Variants in CD44 observed in about 807,000 individuals in gnomAD.
CD44 encodes the protein CD44 antigen.
A neutral mutation model predicts 88.8 loss-of-function variants in CD44; 49 were observed. The observed-to-expected ratio is 0.55, with a 90% confidence interval of 0.44 to 0.70. The LOEUF is 0.70. Among genes scored for constraint, CD44 ranks in the 30% least tolerant of loss-of-function variants. CD44 has a pLI of 0.00. For missense variants in CD44, 883 were observed against 913.8 expected, an observed-to-expected ratio of 0.97 and a Z score of 0.43; for synonymous variants, 325 against 312.3, an observed-to-expected ratio of 1.04 and a Z score of -0.43.
chr11:35,149,627 A>G (rs1356894931), intron 1 of CD44, among the ~76,000 whole-genome samples: 1 of 152,198 alleles, frequency 6.6e-6, no homozygotes, highest in Non-Finnish European at 1.5e-5. Context: ...TTCCATGTGT[A>G]AAATGCGAGG....
chr11:35,211,499 T>C (rs774754313), intron 14 of CD44, 50 bp downstream of exon 14: 4 of 1,359,770 alleles, frequency 2.9e-6, no homozygotes, highest in African/African-American at 1.4e-5. Flanking sequence ...AGAGAAACAA[T>C]ATATAGTTTC....
Position 35,189,913 on chromosome 11 carries a change from A to G in CD44, c.515A>G (p.Asn172Ser), listed in dbSNP as rs1201664796. ...RTNPEDIYPS[N>S]PTDDDVSSGS... is the part of the protein sequence containing the mutation. Reference sequence around the variant, plus strand: ...AATCCTGAAGACATCTACCCCAGCAACCCTACTGATGATGACGTGAGCAGC... The same window carrying G: ...AATCCTGAAGACATCTACCCCAGCAGCCCTACTGATGATGACGTGAGCAGC... The change falls in exon 5 of 18, where the codon AAC becomes AGC. Residue 172 changes from asparagine to serine, a missense_variant. Physicochemically the swap from Asn to Ser is conservative, Grantham distance 46. Transcript: ENST00000428726. The G allele has an allele frequency of 1.2e-6, 2 of 1,614,164 alleles. No homozygotes were observed. Among genetic ancestry groups the G allele is most frequent in the East Asian group, 2.2e-5 (1 of 44,882 alleles).
intron 1 of CD44, among the ~76,000 whole-genome samples, chr11:35,158,595 A>C (rs975209821): frequency 1.3e-5 from 2 of 152,202 alleles, no homozygotes; most frequent in Non-Finnish European, 2.9e-5. Context: ...TGATGATTAC[A>C]CTTGGGGCCT....
At chr11:35,207,333 G>A (rs1947962909) in intron 11 of CD44, among the ~76,000 whole-genome samples, 1 of 152,218 alleles carries the variant, frequency 6.6e-6, no homozygotes, top group Non-Finnish European at 1.5e-5. Context: ...CAGTGATGTG[G>A]ATAGACTTTG....
Position 35,231,386 on chromosome 11 carries a change from G to A in CD44, c.*2053G>A, listed in dbSNP as rs1653541457. 6.6e-6 allele frequency: 1 copy of A among 152,166 alleles called. No individual in the cohort carries two copies. Among genetic ancestry groups the A allele is most frequent in the South Asian group, 2.1e-4 (1 of 4,822 alleles). The allele number at this position is 152,166 out of a possible 1,614,324, so 9.4% of individuals were successfully genotyped here. ...AACAGCCTCTACCTGTCGCCCCAGG[G>A]AGAAAGGGGTAGTGATACAAGTCTC... On this transcript the variant is annotated 3_prime_UTR_variant, in exon 18 of 18. Coordinates refer to ENST00000428726, the MANE Select transcript of CD44 (RefSeq NM_000610.4).
chr11:35,228,372 G>A (rs1297258964), intron 17 of CD44, among the ~76,000 whole-genome samples: 2 of 152,176 alleles, frequency 1.3e-5, no homozygotes, highest in Non-Finnish European at 2.9e-5. Context: ...CTAGAAAAAT[G>A]TTGTTTTATT....
At position 35,206,245 on chromosome 11, in the gene CD44, T is replaced by G; in HGVS notation, c.1414+2T>G. ...GTCATCAAGCAGGAAGAAGGATGGG[T>G]AATAGCCTCTGAGATTTTTATATAT... On this transcript the variant is annotated splice_donor_variant, in intron 11 of 17. Coordinates refer to ENST00000428726, the MANE Select transcript of CD44 (RefSeq NM_000610.4). LOFTEE classifies it high-confidence loss of function. The G allele has an allele frequency of 1.3e-6, 2 of 1,593,356 alleles. No homozygotes were observed. The highest frequency in any genetic ancestry group is 8.5e-7 in the Non-Finnish European group (1 of 1,173,182).
At chr11:35,200,739 A>G (rs1185279701) in intron 7 of CD44, 2 of 270,556 alleles carry the variant, frequency 7.4e-6, no homozygotes, top group East Asian at 7.4e-5. Flanking sequence ...GACTGCATGG[A>G]TGGGCAAAAT....
Position 35,201,938 on chromosome 11 carries a change from G to A in CD44, c.1153+151G>A, listed in dbSNP as rs565456797. 5.4e-5 allele frequency: 47 copies of A among 873,916 alleles called. No homozygotes were observed. The East Asian group carries it at 1.1e-3, about 20-fold the overall frequency. The allele number at this position is 873,916 out of a possible 1,614,324, so 54.1% of individuals were successfully genotyped here. ...TAGAGCCTGAAAAGCTGCTAAACCCGCACACAAATTTTAAAAATTGGAAGG... is the reference window on the plus strand; with the variant it reads ...TAGAGCCTGAAAAGCTGCTAAACCCACACACAAATTTTAAAAATTGGAAGG... On this transcript the variant is annotated intron_variant, in intron 9 of 17. Coordinates refer to ENST00000428726, the MANE Select transcript of CD44 (RefSeq NM_000610.4).
chr11:35,222,701 G>A (rs762926061), intron 17 of CD44: 23 of 923,938 alleles, frequency 2.5e-5, no homozygotes, highest in Non-Finnish European at 2.8e-5. Flanking sequence ...ATTTATAAAA[G>A]TATAAATCTA....
intron 1 of CD44, among the ~76,000 whole-genome samples, chr11:35,143,188 T>G (rs146070414): frequency 6.6e-6 from 1 of 152,194 alleles, no homozygotes; most frequent in East Asian, 1.9e-4. Context: ...AATGTTGGTG[T>G]TCGACAATGA....
At chr11:35,146,644 A>C (rs1368589178) in intron 1 of CD44, among the ~76,000 whole-genome samples, 1 of 152,218 alleles carries the variant, frequency 6.6e-6, no homozygotes, top group Non-Finnish European at 1.5e-5. Context: ...TAGCTTGCCC[A>C]AGGCCATGCA....
chr11:35,156,709 G>A (rs534171945), intron 1 of CD44, among the ~76,000 whole-genome samples: 3 of 152,300 alleles, frequency 2.0e-5, no homozygotes, highest in African/African-American at 4.8e-5. Flanking sequence ...TACACCTCAT[G>A]TGTCTGTTAC....
chr11:35,139,476 T>A, intron 1 of CD44, 106 bp downstream of exon 1: 1 of 987,450 alleles, frequency 1.0e-6, no homozygotes, highest in South Asian at 1.4e-5. Flanking sequence ...TGGAGTCAAG[T>A]GAGCTGTCTG....
At chr11:35,177,749 G>A (rs1944612412) in intron 2 of CD44, among the ~76,000 whole-genome samples, 1 of 152,238 alleles carries the variant, frequency 6.6e-6, no homozygotes, top group Non-Finnish European at 1.5e-5. Flanking sequence ...GAAAAGGAAA[G>A]TCTTTTGCCT....
chr11:35,150,532 T>C (rs1860106248), intron 1 of CD44, among the ~76,000 whole-genome samples: 1 of 152,238 alleles, frequency 6.6e-6, no homozygotes, highest in Non-Finnish European at 1.5e-5. Flanking sequence ...GGCTATAATA[T>C]AAGGCTAGTT....
intron 9 of CD44, among the ~76,000 whole-genome samples, chr11:35,203,108 C>T (rs780564936): frequency 1.3e-5 from 2 of 152,064 alleles, no homozygotes; most frequent in Non-Finnish European, 2.9e-5. Flanking sequence ...TGAATATTTG[C>T]GAAACTCAAA....
intron 1 of CD44, among the ~76,000 whole-genome samples, chr11:35,143,929 C>A (rs908157330): frequency 1.3e-5 from 2 of 152,234 alleles, no homozygotes; most frequent in Admixed American, 6.5e-5. Context: ...ATTAGGAAAG[C>A]AGCATTACAG....
At chr11:35,212,187 A>G (rs912896393) in intron 14 of CD44, among the ~76,000 whole-genome samples, 3 of 152,132 alleles carry the variant, frequency 2.0e-5, no homozygotes, top group Non-Finnish European at 2.9e-5. Flanking sequence ...TTAAGAAATT[A>G]ACAGTGAAGA....
Sources: gnomAD v4.1 joint callset for allele counts (sites outside exome capture counted in the v4.1 genomes callset) on GRCh38, gnomAD v4.1.1 for gene constraint, MANE v1.5 for transcripts, NCBI Gene and HGNC (gene_info 2026-07-23, HGNC 2026-07-21) for gene names.